The following HS3ST4 variants were observed in gnomAD, a reference collection of about 807,000 sequenced individuals.
HS3ST4 encodes heparan sulfate glucosamine 3-O-sulfotransferase 4.
HS3ST4 carries 17 observed loss-of-function variants against 29.2 expected under a neutral mutation model. The observed-to-expected ratio is 0.58, with a 90% CI of 0.40 to 0.87. HS3ST4 has a LOEUF of 0.87. Among genes scored for constraint, HS3ST4 ranks in the 40% least tolerant of loss-of-function variants. The pLI is 0.00. For missense variants in HS3ST4, 627 were observed against 634.5 expected (o/e 0.99, Z 0.13); for synonymous variants, 314 against 285.7 (o/e 1.10, Z -1.00).
intron 1 of HS3ST4, among the ~76,000 whole-genome samples, chr16:25,986,629 A>T (rs528761975): frequency 1.3e-5 from 2 of 152,328 alleles, no homozygotes; most frequent in East Asian, 3.9e-4. Context: ...CCTGACACTG[A>T]TGCTTATGAA....
chr16:25,713,338 G>T (rs1019318886), intron 1 of HS3ST4, among the ~76,000 whole-genome samples: 1 of 152,098 alleles, frequency 6.6e-6, no homozygotes, highest in Admixed American at 6.5e-5. Context: ...GACCAGCCTG[G>T]GCAACATAGT....
At chr16:25,956,028 C>G (rs1968728650) in intron 1 of HS3ST4, among the ~76,000 whole-genome samples, 1 of 151,946 alleles carries the variant, frequency 6.6e-6, no homozygotes, top group Admixed American at 6.6e-5. Context: ...ATAGGTCAAG[C>G]TGGTCTTGAA....
intron 1 of HS3ST4, among the ~76,000 whole-genome samples, chr16:26,088,889 T>C (rs1382336017): frequency 6.6e-6 from 1 of 152,204 alleles, no homozygotes; most frequent in Admixed American, 6.5e-5. Flanking sequence ...CAACATTAAT[T>C]TTTTCATGGG....
rs577192652 is a variant in HS3ST4 at position 25,695,347 on chromosome 16, C to A, written c.734+2196C>A. ...ACAAAATTCTCTTAGGAACAAGCTT[C>A]CTGCCAATACATGTCTGTCTAACAT... On this transcript the variant is annotated intron_variant, in intron 1 of 1. Transcript: ENST00000331351. Among the ~76,000 whole-genome samples, 4 of 152,334 alleles carry A rather than the reference C, an allele frequency of 2.6e-5. No homozygotes were observed. In the South Asian group the frequency reaches 8.3e-4, roughly 32 times the overall value.
intron 1 of HS3ST4, among the ~76,000 whole-genome samples, chr16:25,944,477 T>C (rs544959017): frequency 8.7e-4 from 133 of 152,182 alleles, no homozygotes; most frequent in African/African-American, 3.2e-3. Context: ...CCCTGGGGGG[T>C]AGGCACTAAA....
intron 1 of HS3ST4, among the ~76,000 whole-genome samples, chr16:25,743,120 G>A (rs1025506700): frequency 2.0e-5 from 3 of 152,166 alleles, no homozygotes; most frequent in South Asian, 4.1e-4. Context: ...CAGTAACATG[G>A]CACTCACGGG....
chr16:25,754,591 A>G (rs890034189), intron 1 of HS3ST4, among the ~76,000 whole-genome samples: 5 of 152,166 alleles, frequency 3.3e-5, no homozygotes, highest in Non-Finnish European at 5.9e-5. Flanking sequence ...TTGCTGGGGA[A>G]GTCTCAGGAA....
intron 1 of HS3ST4, among the ~76,000 whole-genome samples, chr16:25,778,366 C>T (rs1363627718): frequency 6.6e-6 from 1 of 152,186 alleles, no homozygotes; most frequent in Non-Finnish European, 1.5e-5. Context: ...AGCCTCCTAC[C>T]TCCTGCCCTC....
rs149835825 is a variant in HS3ST4, at chr16:25,810,512, G to A, written c.734+117361G>A. On this transcript the variant is annotated intron_variant, in intron 1 of 1. Coordinates refer to ENST00000331351, the MANE Select transcript of HS3ST4 (RefSeq NM_006040.3). ...TTGTTGAGCTCTACTTCTCTGTTGCGTTTCTCTCTAGTAGTTCTCTCATTT... is the reference window on the plus strand; with the variant it reads ...TTGTTGAGCTCTACTTCTCTGTTGCATTTCTCTCTAGTAGTTCTCTCATTT... Among the ~76,000 whole-genome samples the A allele has an allele frequency of 9.9e-5, 15 of 152,198 alleles. 1 individual carries two copies. The East Asian group carries it at 1.7e-3, about 18-fold the overall frequency.
intron 1 of HS3ST4, among the ~76,000 whole-genome samples, chr16:26,101,932 C>A (rs1461788378): frequency 6.6e-6 from 1 of 152,032 alleles, no homozygotes; most frequent in Non-Finnish European, 1.5e-5. Context: ...TTATGTTCTC[C>A]TTAGACAAAA....
intron 1 of HS3ST4, among the ~76,000 whole-genome samples, chr16:25,837,283 T>C (rs1967365965): frequency 6.6e-6 from 1 of 152,232 alleles, no homozygotes; most frequent in African/African-American, 2.4e-5. Context: ...CACCCACATC[T>C]TGCTTTCCTC....
chr16:25,790,609 G>T (rs1966867141), intron 1 of HS3ST4, among the ~76,000 whole-genome samples: 5 of 151,978 alleles, frequency 3.3e-5, no homozygotes, highest in Admixed American at 2.6e-4. Flanking sequence ...TATATCATGT[G>T]GTTTTAATTT....
chr16:25,824,080 C>T (rs1454819984), intron 1 of HS3ST4, among the ~76,000 whole-genome samples: 1 of 152,126 alleles, frequency 6.6e-6, no homozygotes, highest in Non-Finnish European at 1.5e-5. Context: ...CTGGGAGAAA[C>T]AGGGCTAAGT....
At chr16:25,742,816 C>G (rs762827210) in intron 1 of HS3ST4, among the ~76,000 whole-genome samples, 1 of 152,212 alleles carries the variant, frequency 6.6e-6, no homozygotes, top group Non-Finnish European at 1.5e-5. Flanking sequence ...TTCATAACTT[C>G]CGTTGTCACA....
chr16:25,821,900 A>G (rs939640135), intron 1 of HS3ST4, among the ~76,000 whole-genome samples: 12 of 151,608 alleles, frequency 7.9e-5, no homozygotes, highest in South Asian at 6.3e-4. Context: ...TCTCTTAAAG[A>G]AAAAAAAAGG....
intron 1 of HS3ST4, among the ~76,000 whole-genome samples, chr16:25,698,021 G>C (rs1966310212): frequency 6.6e-6 from 1 of 152,150 alleles, no homozygotes; most frequent in Admixed American, 6.5e-5. Flanking sequence ...TGCTGCTGCT[G>C]TCTGGATCTC....
intron 1 of HS3ST4, among the ~76,000 whole-genome samples, chr16:25,828,058 T>C (rs1441716586): frequency 3.3e-5 from 5 of 152,098 alleles, no homozygotes. Context: ...TGCTGCAGGA[T>C]GTACAGATTT....
chr16:26,012,467 T>C (rs1969319557), intron 1 of HS3ST4, among the ~76,000 whole-genome samples: 1 of 152,230 alleles, frequency 6.6e-6, no homozygotes, highest in African/African-American at 2.4e-5. Context: ...TTTGTAATTC[T>C]GCTTCTGTAG....
At chr16:26,127,346 C>T (rs993178212) in intron 1 of HS3ST4, among the ~76,000 whole-genome samples, 4 of 152,208 alleles carry the variant, frequency 2.6e-5, no homozygotes, top group African/African-American at 9.6e-5. Flanking sequence ...GTCACGATGG[C>T]TCACGCCAGT....
Sources: gnomAD v4.1 joint callset for allele counts (sites outside exome capture counted in the v4.1 genomes callset) on GRCh38, gnomAD v4.1.1 for gene constraint, MANE v1.5 for transcripts, NCBI Gene and HGNC (gene_info 2026-07-23, HGNC 2026-07-21) for gene names.